The following SNX31 variants were observed in gnomAD, a reference collection of about 807,000 sequenced individuals.
The protein encoded by SNX31 is sorting nexin-31.
SNX31 carries 58 observed loss-of-function variants against 65.4 expected under a neutral mutation model. The observed-to-expected ratio is 0.89, with a 90% CI of 0.72 to 1.10. SNX31 has a LOEUF of 1.10. Ranked by LOEUF, SNX31 falls within the 50% of genes least tolerant of loss-of-function variation. SNX31 has a pLI of 0.00. For synonymous variants in SNX31, 181 were observed against 190.1 expected (o/e 0.95, Z 0.39); for missense variants, 523 against 529.7 (o/e 0.99, Z 0.12).
intron 3 of SNX31, among the ~76,000 whole-genome samples, chr8:100,634,145 C>T (rs1307206975): frequency 3.3e-5 from 5 of 152,098 alleles, no homozygotes; most frequent in East Asian, 1.9e-4. Context: ...TCCTCTTTTC[C>T]GTGACAGCCT....
In SNX31 at chr8:100,610,229, C is replaced by T. The variant is rs561291976; in HGVS notation, c.612-1666G>A. ...TCTTGCACGTATCATCTAGAGTTTA[C>T]GTATTTAAAAAAGACATAGGCAATG... On this transcript the variant is annotated intron_variant, in intron 7 of 13. Transcript: ENST00000311812. The surrounding 1 kb of genome is among the most constrained non-coding windows in gnomAD (Gnocchi z 4.0). 1.1e-4 allele frequency among the ~76,000 whole-genome samples: 17 copies of T among 152,262 alleles called. No homozygotes were observed. The highest frequency in any genetic ancestry group is 2.4e-4 in the Non-Finnish European group (16 of 68,018).
At position 100,575,285 on chromosome 8, in the gene SNX31, C is replaced by G. The variant is rs1296495770; in HGVS notation, c.1228-1325G>C. ...GACTTAACCTTTCTGTGTTTCAGTT[C>G]TCTGTGCAGTAAGCCAAGGATAATA... On this transcript the variant is annotated intron_variant, in intron 13 of 13. Transcript: ENST00000311812. The surrounding 1 kb of genome is among the most constrained non-coding windows in gnomAD (Gnocchi z 5.1). 6.6e-6 allele frequency among the ~76,000 whole-genome samples: 1 copy of G among 152,200 alleles called. No individual in the cohort carries two copies. Among genetic ancestry groups the G allele is most frequent in the East Asian group, 1.9e-4 (1 of 5,200 alleles).
chr8:100,636,355 TC>T (rs775583068), intron 2 of SNX31, among the ~76,000 whole-genome samples: 6 of 152,206 alleles, frequency 3.9e-5, no homozygotes, highest in Non-Finnish European at 8.8e-5. Context: ...GTCTGTGATA[TC>T]AATTACAACG....
intron 4 of SNX31, chr8:100,618,386 C>G (rs1817418281): frequency 2.8e-5 from 43 of 1,513,738 alleles, no homozygotes; most frequent in Middle Eastern, 3.4e-4. Flanking sequence ...TTTTTTCTGA[C>G]ACTAATTGTG....
chr8:100,631,385 T>C (rs918049221), intron 3 of SNX31, among the ~76,000 whole-genome samples: 11 of 151,926 alleles, frequency 7.2e-5, no homozygotes, highest in Admixed American at 2.6e-4. Context: ...ACTTACATAC[T>C]TACTAAATGC....
intron 4 of SNX31, among the ~76,000 whole-genome samples, chr8:100,624,663 T>G (rs1212783367): frequency 6.6e-6 from 1 of 152,244 alleles, no homozygotes. Flanking sequence ...TTGTGATATT[T>G]GAATTTTACT....
chr8:100,632,725 T>C (rs913703638), intron 3 of SNX31, among the ~76,000 whole-genome samples: 4 of 151,758 alleles, frequency 2.6e-5, no homozygotes, highest in South Asian at 2.1e-4. Context: ...TGAGCTGTGA[T>C]TGCACCACTG....
At position 100,612,304 on chromosome 8, in the gene SNX31, T is replaced by A. The variant is rs1342094182; in HGVS notation, c.524-217A>T. ...AAAAAACAGCCCCTTGAGTGGGGGG[T>A]GTTTTACACTGTGATATAGATGAAA... On this transcript the variant is annotated intron_variant, in intron 6 of 13. Coordinates refer to ENST00000311812, the MANE Select transcript of SNX31 (RefSeq NM_152628.4). The surrounding 1 kb of genome is among the most constrained non-coding windows in gnomAD (Gnocchi z 4.3). 2.7e-5 allele frequency among the ~76,000 whole-genome samples: 4 copies of A among 150,668 alleles called. No individual in the cohort carries two copies. The highest frequency in any genetic ancestry group is 9.8e-5 in the African/African-American group (4 of 40,960).
At chr8:100,637,128 C>T (rs1818833761) in intron 2 of SNX31, among the ~76,000 whole-genome samples, 1 of 152,222 alleles carries the variant, frequency 6.6e-6, no homozygotes, top group South Asian at 2.1e-4. Context: ...CTCCCACTTA[C>T]TCATATATGA....
chr8:100,640,296 T>C (rs1443946630), intron 2 of SNX31, among the ~76,000 whole-genome samples: 1 of 152,162 alleles, frequency 6.6e-6, no homozygotes, highest in Non-Finnish European at 1.5e-5. Context: ...CTGGCTAATT[T>C]TGTATTTTTA....
intron 11 of SNX31, among the ~76,000 whole-genome samples, chr8:100,585,289 T>G (rs572829219): frequency 2.6e-5 from 4 of 152,310 alleles, no homozygotes; most frequent in African/African-American, 9.6e-5. Context: ...GTTTTCTCCT[T>G]TGGCCCTACT....
rs375424075 is a variant in SNX31, at chr8:100,596,690, C to A, written c.927G>T (p.Gln309His). Residue 309 changes from glutamine to histidine, a missense_variant, in exon 10 of 14, where the codon CAG becomes CAT. Physicochemically the swap from Gln to His is conservative, Grantham distance 24. Coordinates refer to ENST00000311812, the MANE Select transcript of SNX31 (RefSeq NM_152628.4). ...CCCTGCTCATCTGGAAAACGATGTCCTGGGTCTGGCTGTCAGGCAGGGTGA... is the reference window on the plus strand; with the variant it reads ...CCCTGCTCATCTGGAAAACGATGTCATGGGTCTGGCTGTCAGGCAGGGTGA... ...CCITLPDSQT[Q>H]DIVFQMSRVK... is the part of the protein sequence containing the mutation. 41 of 1,614,036 alleles carry A rather than the reference C, an allele frequency of 2.5e-5. No individual in the cohort carries two copies. Among genetic ancestry groups the A allele is most frequent in the East Asian group, 8.9e-5 (4 of 44,892 alleles).
In SNX31 at chr8:100,573,926, C is replaced by CTTTTTTTTTTTTTTTTTTTTT. The variant is rs752425672; in HGVS notation, c.1261_1262insAAAAAAAAAAAAAAAAAAAAA (p.Lys420_Ser421insLysLysLysLysLysLysLys). 3.2e-6 allele frequency: 5 copies of CTTTTTTTTTTTTTTTTTTTTT among 1,586,996 alleles called. No homozygotes were observed. The Admixed American group carries it at 5.5e-5, about 18-fold the overall frequency. On this transcript the variant is annotated inframe_insertion, in exon 14 of 14. Transcript: ENST00000311812. Reference sequence around the variant, plus strand: ...GTCATCTTTAGCTATCTTAATCTTGCTTTTTCTTGATAGAAAACTAGAATA... The same window carrying CTTTTTTTTTTTTTTTTTTTTT: ...GTCATCTTTAGCTATCTTAATCTTGCTTTTTTTTTTTTTTTTTTTTTTTTTTCTTGATAGAAAACTAGAATA...
chr8:100,605,306 G>A (rs1303192125), intron 8 of SNX31, among the ~76,000 whole-genome samples: 1 of 152,134 alleles, frequency 6.6e-6, no homozygotes, highest in Non-Finnish European at 1.5e-5. Context: ...AGGAAGGTAG[G>A]AATTTTCTTC....
chr8:100,577,049 T>C lies in SNX31; in HGVS notation c.1197A>G (p.Lys399=). 3.1e-6 allele frequency: 5 copies of C among 1,613,864 alleles called. No homozygotes were observed. Among genetic ancestry groups the C allele is most frequent in the Non-Finnish European group, 4.2e-6 (5 of 1,179,958 alleles). ...EMQIEVPEQS[K]SKKYHIQQSQ... is the part of the protein sequence containing the mutation. ...TTTGTTGAATGTGGTATTTTTTACT[T>C]TTGCTTTGTTCCGGAACTTCAATCT... Residue 399 remains lysine, a synonymous_variant, in exon 13 of 14, where the codon AAA becomes AAG. Transcript: ENST00000311812.
intron 13 of SNX31, 123 bp from the exon 14 acceptor site, chr8:100,574,083 A>G (rs1355552809): frequency 1.8e-6 from 1 of 547,430 alleles, no homozygotes; most frequent in East Asian, 3.2e-5. Flanking sequence ...TTGTATAAGC[A>G]ATGGTTATTT....
At chr8:100,645,149 G>C (rs1384687792) in intron 2 of SNX31, among the ~76,000 whole-genome samples, 1 of 152,204 alleles carries the variant, frequency 6.6e-6, no homozygotes. Flanking sequence ...AGAATGCGTG[G>C]CATATAACAG....
intron 2 of SNX31, among the ~76,000 whole-genome samples, chr8:100,636,878 G>A (rs900423455): frequency 7.2e-5 from 11 of 152,052 alleles, no homozygotes; most frequent in African/African-American, 2.7e-4. Flanking sequence ...TTTGCCACCA[G>A]GCCAGGCTAA....
chr8:100,630,369 C>G lies in SNX31; in HGVS notation c.279G>C (p.Leu93Phe), dbSNP rs1180202060. 6.2e-7 allele frequency: 1 copy of G among 1,613,594 alleles called. No individual in the cohort carries two copies. Among genetic ancestry groups the G allele is most frequent in the Non-Finnish European group, 8.5e-7 (1 of 1,179,904 alleles). ...LQNVTMDPNV[L>F]RSDVFVEFLK... ...AAAACTCAACGAAGACATCACTTCT[C>G]AACACGTTTGGGTCCATGGTTACTG... The change falls in exon 4 of 14, where the codon TTG becomes TTC. Residue 93 changes from leucine (L) to phenylalanine (F), a missense_variant. Coordinates refer to ENST00000311812, the MANE Select transcript of SNX31 (RefSeq NM_152628.4). This position sits in a 1 kb window ranked among gnomAD's most constrained non-coding sequence, Gnocchi z 5.3.
Sources: allele counts gnomAD v4.1 joint callset (sites outside exome capture counted in the v4.1 genomes callset), GRCh38; gene constraint gnomAD v4.1.1; non-coding constraint Gnocchi (gnomAD v3.1); transcripts MANE v1.5; gene names NCBI Gene and HGNC (gene_info 2026-07-23, HGNC 2026-07-21).